The following KLHDC1 variants were observed in gnomAD, a reference collection of about 807,000 sequenced individuals.
KLHDC1 encodes kelch domain containing 1.
In KLHDC1, 53 loss-of-function variants were observed where a neutral mutation model predicts 68.3. The observed-to-expected ratio is 0.78, with a 90% CI of 0.62 to 0.98. The LOEUF (loss-of-function observed/expected upper bound fraction) is 0.98. Ranked by LOEUF, KLHDC1 falls within the 50% of genes least tolerant of loss-of-function variation. The probability of loss-of-function intolerance (pLI) is 0.00; values close to 1 mark genes in which losing one functional copy is unlikely to be tolerated. For missense variants in KLHDC1, 470 were observed against 492.3 expected, an observed-to-expected ratio of 0.95 and a Z score of 0.43; for synonymous variants, 148 against 159.0, an observed-to-expected ratio of 0.93 and a Z score of 0.52.
intron 9 of KLHDC1, 95 bp downstream of exon 9, chr14:49,732,911 T>C (rs1888849127): frequency 1.5e-6 from 1 of 668,158 alleles, no homozygotes; most frequent in Admixed American, 2.8e-5. Flanking sequence ...CCTTTTTTCC[T>C]GTTTTTCTGG....
At chr14:49,738,513 AT>A (rs940192146) in intron 10 of KLHDC1, among the ~76,000 whole-genome samples, 8 of 149,516 alleles carry the variant, frequency 5.4e-5, no homozygotes, top group Admixed American at 6.7e-5. Context: ...AGCTCGGCTA[AT>A]TTTTTTTTTA....
Position 49,728,965 on chromosome 14 carries a change from G to A in KLHDC1, c.607G>A (p.Ala203Thr). 6.2e-7 allele frequency: 1 copy of A among 1,613,812 alleles called. No individual in the cohort carries two copies. The highest frequency in any genetic ancestry group is 8.5e-7 in the Non-Finnish European group (1 of 1,179,744). Residue 203 changes from alanine (A) to threonine (T), a missense_variant, in exon 7 of 13, where the codon GCA (alanine) becomes ACA (threonine). Ala to Thr is a moderately conservative substitution (Grantham distance 58). Coordinates refer to ENST00000359332, the MANE Select transcript of KLHDC1 (RefSeq NM_172193.3). ...ACAGCCACGAGCCGCGCATACATGT[G>A]CAGTTCTTGGAAATAAGGGTTATAT... ...PPQPRAAHTC[A>T]VLGNKGYIFG... is the part of the protein sequence containing the mutation.
chr14:49,741,281 C>G (rs1889057905), intron 11 of KLHDC1, among the ~76,000 whole-genome samples: 1 of 151,702 alleles, frequency 6.6e-6, no homozygotes, highest in Non-Finnish European at 1.5e-5. Context: ...CAAGAGGAAA[C>G]TACTTTGTTG....
At chr14:49,709,913 A>G (rs982638326) in intron 3 of KLHDC1, 87 bp downstream of exon 3, 71 of 700,140 alleles carry the variant, frequency 1.0e-4, no homozygotes, top group Non-Finnish European at 1.5e-4. Context: ...TTTTAAAAAG[A>G]AGATATATAT....
intron 11 of KLHDC1, among the ~76,000 whole-genome samples, chr14:49,742,351 C>A (rs1889084010): frequency 6.6e-6 from 1 of 152,188 alleles, no homozygotes; most frequent in East Asian, 1.9e-4. Context: ...AAATAATCTT[C>A]CAGATCTTGA....
chr14:49,738,428 C>A (rs1888983584), intron 10 of KLHDC1, among the ~76,000 whole-genome samples: 1 of 151,028 alleles, frequency 6.6e-6, no homozygotes, highest in Admixed American at 6.6e-5. Context: ...ATCACTGCAA[C>A]CTCCACCTCC....
chr14:49,747,683 G>T (rs1403043057), intron 12 of KLHDC1, among the ~76,000 whole-genome samples: 2 of 152,124 alleles, frequency 1.3e-5, no homozygotes, highest in African/African-American at 2.4e-5. Flanking sequence ...AACTTAAGAT[G>T]AATGGTGAAG....
chr14:49,744,996 G>A (rs145809266), intron 12 of KLHDC1, among the ~76,000 whole-genome samples: 68 of 152,260 alleles, frequency 4.5e-4, no homozygotes, highest in African/African-American at 1.6e-3. Flanking sequence ...TATGGAAGAA[G>A]CCCCTATTTC....
Position 49,693,175 on chromosome 14 carries a change from G to T in KLHDC1, c.-20G>T, listed in dbSNP as rs534086575. On this transcript the variant is annotated 5_prime_UTR_variant, in exon 1 of 13. Transcript: ENST00000359332. ...GGCAGGGGTTGTGGCGCGGCAAGCG[G>T]CGGGCCAGCGACGGCGCGAATGGCG... is the stretch of plus-strand genomic sequence containing the variant. 7.0e-6 allele frequency: 11 copies of T among 1,572,718 alleles called. No individual in the cohort carries two copies. The highest frequency in any genetic ancestry group is 9.5e-6 in the Non-Finnish European group (11 of 1,161,414).
chr14:49,742,673 A>T (rs1174256734), intron 11 of KLHDC1, among the ~76,000 whole-genome samples: 2 of 108,454 alleles, frequency 1.8e-5, no homozygotes. Flanking sequence ...ACTCCGTCCT[A>T]AAAAAAAAAA....
At chr14:49,707,095 G>A (rs1452896758) in intron 1 of KLHDC1, among the ~76,000 whole-genome samples, 1 of 152,008 alleles carries the variant, frequency 6.6e-6, no homozygotes, top group Non-Finnish European at 1.5e-5. Context: ...ATGTTTTCTT[G>A]TAGTTGTTTT....
intron 6 of KLHDC1, among the ~76,000 whole-genome samples, chr14:49,728,714 A>C (rs1471379390): frequency 6.6e-6 from 1 of 152,260 alleles, no homozygotes; most frequent in Non-Finnish European, 1.5e-5. Flanking sequence ...CATTTTCAAA[A>C]GTAAAGATCA....
In KLHDC1 at chr14:49,712,477, A is replaced by G. The variant is rs190827579; in HGVS notation, c.404+2096A>G. Reference sequence around the variant, plus strand: ...TTGTGTTAGCTGTTGGTTTGGGAGCAAATAAAAAGTACTTCATAGATTTTC... The same window carrying G: ...TTGTGTTAGCTGTTGGTTTGGGAGCGAATAAAAAGTACTTCATAGATTTTC... On this transcript the variant is annotated intron_variant, in intron 4 of 12. Transcript: ENST00000359332. Among the ~76,000 whole-genome samples, 450 of 152,188 alleles carry G rather than the reference A, an allele frequency of 3.0e-3. 3 individuals carry two copies. Among genetic ancestry groups the G allele is most frequent in the African/African-American group, 0.01 (435 of 41,538 alleles).
intron 1 of KLHDC1, among the ~76,000 whole-genome samples, chr14:49,694,785 C>T (rs1180175273): frequency 3.9e-5 from 6 of 152,000 alleles, no homozygotes; most frequent in East Asian, 1.9e-4. Context: ...ACCCGGGAGG[C>T]GGAGGTTGCA....
At position 49,745,044 on chromosome 14, in the gene KLHDC1, G is replaced by A. The variant is rs148219399; in HGVS notation, c.1034+1239G>A. Among the ~76,000 whole-genome samples, 205 of 152,290 alleles carry A rather than the reference G, an allele frequency of 1.3e-3. No individual in the cohort carries two copies. In the Middle Eastern group the frequency reaches 0.014, roughly 10 times the overall value. On this transcript the variant is annotated intron_variant, in intron 12 of 12. Coordinates refer to ENST00000359332, the MANE Select transcript of KLHDC1 (RefSeq NM_172193.3). The stretch of plus-strand genomic sequence containing the variant: ...TTGGGAGGAAGGAGGCAGGATTTGA[G>A]AGATGTAGAAGTTGCCCAGTGAACA...
chr14:49,713,969 C>T (rs1888302547), intron 4 of KLHDC1, among the ~76,000 whole-genome samples: 2 of 146,786 alleles, frequency 1.4e-5, no homozygotes, highest in South Asian at 4.4e-4. Context: ...TCTCATGCCT[C>T]CCAAGTAGCT....
intron 6 of KLHDC1, among the ~76,000 whole-genome samples, chr14:49,728,297 T>G (rs1395884949): frequency 1.3e-5 from 2 of 152,222 alleles, no homozygotes; most frequent in African/African-American, 4.8e-5. Flanking sequence ...CACTCAAGCC[T>G]TGGCAACAGA....
At chr14:49,734,745 A>T in intron 10 of KLHDC1, 84 bp downstream of exon 10, 1 of 596,998 alleles carries the variant, frequency 1.7e-6, no homozygotes, top group Non-Finnish European at 2.8e-6. Flanking sequence ...AGTGTTTGCC[A>T]TTGAAACCAT....
intron 1 of KLHDC1, among the ~76,000 whole-genome samples, chr14:49,702,168 C>CAA (rs56298211): frequency 1.4e-4 from 10 of 70,894 alleles, no homozygotes; most frequent in African/African-American, 3.1e-4. Context: ...AATTCTGTCT[C>CAA]AAAAAAAAAA....
Sources: allele counts gnomAD v4.1 joint callset (sites outside exome capture counted in the v4.1 genomes callset), GRCh38; gene constraint gnomAD v4.1.1; transcripts MANE v1.5; gene names NCBI Gene and HGNC (gene_info 2026-07-23, HGNC 2026-07-21).